MMP26: variants seen among roughly 807,000 people sequenced by gnomAD.
MMP26 encodes matrix metallopeptidase 26, also known as matrix metalloproteinase-26.
A neutral mutation model predicts 31.0 loss-of-function variants in MMP26; 33 were observed. The observed-to-expected ratio is 1.06, with a 90% CI of 0.81 to 1.42. The LOEUF is 1.42. MMP26 is among the 40% of genes most tolerant of loss of function. The pLI, the probability that MMP26 is intolerant of heterozygous loss-of-function variation, is 0.00. For missense variants in MMP26, 347 were observed against 316.1 expected (o/e 1.10, Z -0.74); for synonymous variants, 122 against 114.9 (o/e 1.06, Z -0.40).
intron 2 of MMP26, chr11:4,923,901 C>T: frequency 1.2e-6 from 2 of 1,614,056 alleles, no homozygotes; most frequent in Non-Finnish European, 8.5e-7. Flanking sequence ...GAGCTTAGCC[C>T]CATCTTGACA....
At chr11:4,804,443 A>C (rs1166896153) in intron 2 of MMP26, 1 of 1,259,284 alleles carries the variant, frequency 7.9e-7, no homozygotes, top group Admixed American at 1.7e-5. Flanking sequence ...TAACAATCAA[A>C]ACAAGTGTTA....
intron 2 of MMP26, among the ~76,000 whole-genome samples, chr11:4,779,434 T>C (rs1477346607): frequency 5.3e-5 from 8 of 152,062 alleles, no homozygotes; most frequent in African/African-American, 1.9e-4. Context: ...TTAATGAGAA[T>C]TTTCATTTTA....
intron 2 of MMP26, among the ~76,000 whole-genome samples, chr11:4,942,128 C>T (rs540761119): frequency 1.3e-5 from 1 of 79,858 alleles, no homozygotes; most frequent in Non-Finnish European, 2.9e-5. Context: ...AAACCCTACT[C>T]AGACTGCTGC....
chr11:4,901,806 T>A (rs958593566), intron 2 of MMP26, among the ~76,000 whole-genome samples: 2 of 152,226 alleles, frequency 1.3e-5, no homozygotes, highest in Non-Finnish European at 2.9e-5. Context: ...TATACTTGCA[T>A]TTCATGCTCG....
intron 1 of MMP26, among the ~76,000 whole-genome samples, chr11:4,727,250 C>T (rs1848113188): frequency 6.6e-6 from 1 of 152,140 alleles, no homozygotes; most frequent in African/African-American, 2.4e-5. Context: ...ACTGTTTGTT[C>T]ATCAACTTTA....
At chr11:4,821,616 C>G (rs1302809504) in intron 2 of MMP26, 7 of 1,613,842 alleles carry the variant, frequency 4.3e-6, no homozygotes, top group Admixed American at 1.7e-5. Flanking sequence ...ACTATTTCCT[C>G]TCTATGCTTT....
chr11:4,933,230 C>T (rs149844996), intron 2 of MMP26, among the ~76,000 whole-genome samples: 39 of 152,106 alleles, frequency 2.6e-4, no homozygotes, highest in African/African-American at 8.9e-4. Flanking sequence ...TATGTTATCT[C>T]AATGTTTGCT....
intron 1 of MMP26, among the ~76,000 whole-genome samples, chr11:4,730,663 C>T (rs933113311): frequency 2.6e-5 from 4 of 152,182 alleles, no homozygotes; most frequent in African/African-American, 7.2e-5. Context: ...TATCACAATG[C>T]AGTCTGAGAG....
chr11:4,897,717 T>G (rs560262710), intron 2 of MMP26, among the ~76,000 whole-genome samples: 49 of 151,912 alleles, frequency 3.2e-4, no homozygotes, highest in African/African-American at 1.2e-3. Context: ...CTTAACTTAT[T>G]AAGATAGTCT....
chr11:4,795,639 G>A (rs1433920), intron 2 of MMP26, among the ~76,000 whole-genome samples: 56,207 of 152,014 alleles, frequency 0.37, 11,482 homozygotes, highest in African/African-American at 0.52. Context: ...CACATTAAAT[G>A]CTACATTAAA....
chr11:4,831,616 C>A (rs1849647322), intron 2 of MMP26, among the ~76,000 whole-genome samples: 1 of 152,112 alleles, frequency 6.6e-6, no homozygotes, highest in South Asian at 2.1e-4. Flanking sequence ...CAGTTTGCCA[C>A]CCTCTGTGGT....
chr11:4,790,412 T>G (rs1437886462), intron 2 of MMP26, among the ~76,000 whole-genome samples: 1 of 152,170 alleles, frequency 6.6e-6, no homozygotes, highest in African/African-American at 2.4e-5. Context: ...GAGGAAAAAC[T>G]CAGCATATTT....
intron 2 of MMP26, among the ~76,000 whole-genome samples, chr11:4,903,247 C>G (rs7950564): frequency 0.53 from 79,973 of 151,874 alleles, 22,484 homozygotes; most frequent in Middle Eastern, 0.69. Flanking sequence ...TGAGACACTG[C>G]TTTAAAAATC....
intron 1 of MMP26, among the ~76,000 whole-genome samples, chr11:4,758,062 TAAC>T (rs1002268522): frequency 1.3e-5 from 2 of 152,218 alleles, no homozygotes; most frequent in African/African-American, 4.8e-5. Flanking sequence ...CAAGTGTTCA[TAAC>T]AACATTATTC....
chr11:4,808,794 G>A (rs1260865570), intron 2 of MMP26, among the ~76,000 whole-genome samples: 1 of 150,350 alleles, frequency 6.7e-6, no homozygotes, highest in East Asian at 2.0e-4. Flanking sequence ...GGAGGAGCAG[G>A]GCTGCCCTGG....
chr11:4,856,673 G>C (rs1850058300), intron 2 of MMP26, among the ~76,000 whole-genome samples: 1 of 152,036 alleles, frequency 6.6e-6, no homozygotes, highest in African/African-American at 2.4e-5. Flanking sequence ...TGAGACAGAA[G>C]GTTAACAAGG....
chr11:4,914,875 G>A (rs750713880), intron 2 of MMP26: 1 of 1,614,148 alleles, frequency 6.2e-7, no homozygotes, highest in East Asian at 2.2e-5. Context: ...GGATGACAGA[G>A]AGGCCAATCA....
At chr11:4,826,373 G>A (rs901051582) in intron 2 of MMP26, among the ~76,000 whole-genome samples, 5 of 152,030 alleles carry the variant, frequency 3.3e-5, no homozygotes, top group African/African-American at 1.2e-4. Flanking sequence ...GTCCCATGGG[G>A]CCCCTGATGT....
At chr11:4,973,633 T>TAACATGGTA (rs2133633876) in intron 2 of MMP26, 1 of 161,206 alleles carries the variant, frequency 6.2e-6, no homozygotes, top group Admixed American at 6.5e-5. Flanking sequence ...GGAAAATCCT[T>TAACATGGTA]AACATGGTAG....
Sources: allele counts gnomAD v4.1 joint callset (sites outside exome capture counted in the v4.1 genomes callset), GRCh38; gene constraint gnomAD v4.1.1; transcripts MANE v1.5; gene names NCBI Gene and HGNC (gene_info 2026-07-23, HGNC 2026-07-21).